PDE11A: variants seen among roughly 807,000 people sequenced by gnomAD.
PDE11A encodes the protein dual 3',5'-cyclic-AMP and -GMP phosphodiesterase 11A.
A neutral mutation model predicts 100.5 loss-of-function variants in PDE11A; 100 were observed. That is an observed-to-expected ratio of 1.00 (90% CI 0.85 to 1.18). The LOEUF (loss-of-function observed/expected upper bound fraction) is 1.18. Among genes scored for constraint, PDE11A ranks in the 50% most tolerant of loss-of-function variants. PDE11A has a pLI of 0.00. For missense variants in PDE11A, 1,141 were observed against 1,152.6 expected (o/e 0.99, Z 0.15); for synonymous variants, 381 against 420.8 (o/e 0.91, Z 1.16).
chr2:177,922,586 C>T (rs1454829555), intron 2 of PDE11A: 1 of 606,056 alleles, frequency 1.7e-6, no homozygotes, highest in Non-Finnish European at 2.1e-6. Context: ...AAACCTGGAG[C>T]CATGTCCCAT....
chr2:177,666,701 GGA>G (rs2080591206), intron 18 of PDE11A, among the ~76,000 whole-genome samples: 1 of 149,478 alleles, frequency 6.7e-6, no homozygotes, highest in Admixed American at 6.8e-5. Flanking sequence ...TATTTTCTTT[GGA>G]GATATGTCTG....
intron 2 of PDE11A, among the ~76,000 whole-genome samples, chr2:178,097,769 C>T (rs1341397733): frequency 1.3e-5 from 2 of 152,148 alleles, no homozygotes; most frequent in East Asian, 3.9e-4. Flanking sequence ...ATCACTCTAG[C>T]TATCAGCTCT....
intron 1 of PDE11A, among the ~76,000 whole-genome samples, chr2:178,044,123 A>C (rs2086715644): frequency 6.6e-6 from 1 of 152,118 alleles, no homozygotes; most frequent in South Asian, 2.1e-4. Context: ...TCTATGATTA[A>C]ATATATTAGC....
chr2:177,662,462 G>C (rs2080497312), intron 19 of PDE11A, among the ~76,000 whole-genome samples: 1 of 152,166 alleles, frequency 6.6e-6, no homozygotes, highest in African/African-American at 2.4e-5. Context: ...ACATTAAAAA[G>C]TAATTCAACA....
At chr2:178,050,155 C>T (rs1207370473) in intron 1 of PDE11A, among the ~76,000 whole-genome samples, 3 of 152,110 alleles carry the variant, frequency 2.0e-5, no homozygotes, top group Non-Finnish European at 4.4e-5. Context: ...ATGAAGCTTC[C>T]GGAAGAACGA....
At chr2:177,860,561 C>G (rs956343677) in intron 5 of PDE11A, among the ~76,000 whole-genome samples, 3 of 151,678 alleles carry the variant, frequency 2.0e-5, no homozygotes, top group African/African-American at 7.2e-5. Context: ...CCTTAACAAA[C>G]TCTTAAAAAT....
At chr2:177,836,395 A>G (rs1437678031) in intron 6 of PDE11A, among the ~76,000 whole-genome samples, 3 of 152,220 alleles carry the variant, frequency 2.0e-5, no homozygotes, top group Non-Finnish European at 1.5e-5. Flanking sequence ...AAATGCACCA[A>G]TCATTGCTGT....
At chr2:178,068,828 C>T (rs946925029) in intron 1 of PDE11A, among the ~76,000 whole-genome samples, 2 of 152,146 alleles carry the variant, frequency 1.3e-5, no homozygotes, top group Non-Finnish European at 2.9e-5. Context: ...GTTTATACTG[C>T]ATGTCTTACT....
rs1312387594 is a variant in PDE11A at position 177,625,449 on chromosome 2, T to A, written c.*3958A>T. The A allele has an allele frequency of 6.6e-6, 1 of 152,562 alleles. No individual in the cohort carries two copies. Among genetic ancestry groups the A allele is most frequent in the Non-Finnish European group, 1.5e-5 (1 of 68,042 alleles). The allele number at this position is 152,562 out of a possible 1,614,324, so 9.5% of individuals were successfully genotyped here. On this transcript the variant is annotated 3_prime_UTR_variant, in exon 20 of 20. Coordinates refer to ENST00000286063, the MANE Select transcript of PDE11A (RefSeq NM_016953.4). ...TCTGCTATGCACTGAATGGCACCCTTTGCAGTATGTGAAGCTGTCCCTACC... is the reference window on the plus strand; with the variant it reads ...TCTGCTATGCACTGAATGGCACCCTATGCAGTATGTGAAGCTGTCCCTACC...
At chr2:177,917,852 C>A (rs1332630158) in intron 2 of PDE11A, among the ~76,000 whole-genome samples, 1 of 151,868 alleles carries the variant, frequency 6.6e-6, no homozygotes, top group Non-Finnish European at 1.5e-5. Flanking sequence ...GGATAATAAA[C>A]CATACTATTT....
In PDE11A at chr2:177,905,043, A is replaced by G; in HGVS notation, c.1161+55T>C. 3.2e-6 allele frequency: 3 copies of G among 933,820 alleles called. No individual in the cohort carries two copies. The South Asian group carries it at 3.9e-5, about 12-fold the overall frequency. 57.8% of individuals were successfully genotyped at this position (933,820 alleles called of 1,614,324 possible). On this transcript the variant is annotated intron_variant, in intron 3 of 19. Transcript: ENST00000286063. Reference sequence around the variant, plus strand: ...CTGTTTTTAAAAGACATAATGACTTACAGAAACCAGAAAGAGAGTTTTGAG... The same window carrying G: ...CTGTTTTTAAAAGACATAATGACTTGCAGAAACCAGAAAGAGAGTTTTGAG...
chr2:178,084,566 G>A (rs1258634536), intron 2 of PDE11A, among the ~76,000 whole-genome samples: 1 of 152,170 alleles, frequency 6.6e-6, no homozygotes, highest in Non-Finnish European at 1.5e-5. Flanking sequence ...TCTGACATGG[G>A]AGCAGGCAGG....
chr2:178,091,575 A>G (rs2087423802), intron 2 of PDE11A, among the ~76,000 whole-genome samples: 1 of 152,064 alleles, frequency 6.6e-6, no homozygotes, highest in African/African-American at 2.4e-5. Context: ...ATGATTCCTG[A>G]CCTAGTCCAC....
At chr2:178,033,376 G>C (rs1314928721) in intron 1 of PDE11A, among the ~76,000 whole-genome samples, 2 of 152,110 alleles carry the variant, frequency 1.3e-5, no homozygotes, top group Non-Finnish European at 2.9e-5. Flanking sequence ...AATGAACAAA[G>C]CATCCAGGAA....
chr2:177,753,384 C>G (rs545971661), intron 10 of PDE11A, among the ~76,000 whole-genome samples: 1 of 151,874 alleles, frequency 6.6e-6, no homozygotes, highest in Non-Finnish European at 1.5e-5. Context: ...AAGAGTAAAA[C>G]CAGAAAGAGG....
chr2:177,877,627 G>A (rs931841268), intron 4 of PDE11A, among the ~76,000 whole-genome samples: 1 of 152,166 alleles, frequency 6.6e-6, no homozygotes. Context: ...GGGAGGGGAT[G>A]GAAGAGAGTT....
intron 7 of PDE11A, among the ~76,000 whole-genome samples, chr2:177,818,451 C>T (rs2083080029): frequency 6.6e-6 from 1 of 151,944 alleles, no homozygotes; most frequent in African/African-American, 2.4e-5. Context: ...ACCTTGGGCA[C>T]GTTACCTAAC....
At chr2:177,906,607 A>G (rs999947212) in intron 2 of PDE11A, among the ~76,000 whole-genome samples, 1 of 152,130 alleles carries the variant, frequency 6.6e-6, no homozygotes, top group Non-Finnish European at 1.5e-5. Flanking sequence ...ACAAAAATCA[A>G]TGATTTTTGC....
chr2:177,775,165 G>T (rs2082361760), intron 9 of PDE11A, among the ~76,000 whole-genome samples: 1 of 152,152 alleles, frequency 6.6e-6, no homozygotes, highest in Non-Finnish European at 1.5e-5. Flanking sequence ...CTTGAATTTT[G>T]CCCAGTAAGA....
Sources: gnomAD v4.1 joint callset for allele counts (sites outside exome capture counted in the v4.1 genomes callset) on GRCh38, gnomAD v4.1.1 for gene constraint, MANE v1.5 for transcripts, NCBI Gene and HGNC (gene_info 2026-07-23, HGNC 2026-07-21) for gene names.